The following CADPS2 variants were observed in gnomAD, a reference collection of about 807,000 sequenced individuals.
CADPS2 encodes the protein calcium-dependent secretion activator 2.
A neutral mutation model predicts 172.5 loss-of-function variants in CADPS2; 93 were observed. The observed-to-expected ratio is 0.54, with a 90% CI of 0.46 to 0.64. The LOEUF (loss-of-function observed/expected upper bound fraction) is 0.64, where lower values mean the gene tolerates loss of function less well. Among genes scored for constraint, CADPS2 ranks in the 30% least tolerant of loss-of-function variants. The pLI is 0.00. For missense variants in CADPS2, 1,420 were observed against 1,565.9 expected (o/e 0.91, Z 1.57); for synonymous variants, 546 against 555.2 (o/e 0.98, Z 0.23).
intron 1 of CADPS2, among the ~76,000 whole-genome samples, chr7:122,748,615 G>A (rs2092820200): frequency 6.6e-6 from 1 of 152,038 alleles, no homozygotes; most frequent in South Asian, 2.1e-4. Context: ...ACTTTCCTCA[G>A]AAATGTCTGA....
intron 27 of CADPS2, among the ~76,000 whole-genome samples, chr7:122,357,981 T>G (rs1422161812): frequency 6.6e-6 from 1 of 152,134 alleles, no homozygotes; most frequent in Non-Finnish European, 1.5e-5. Flanking sequence ...TCAAATCAGT[T>G]GGATAAGTGC....
chr7:122,411,882 T>C (rs1001490890), intron 19 of CADPS2, among the ~76,000 whole-genome samples: 6 of 152,204 alleles, frequency 3.9e-5, no homozygotes, highest in Non-Finnish European at 8.8e-5. Flanking sequence ...ACTTCCGTGA[T>C]TCACTGATAA....
chr7:122,481,726 T>A (rs1354684903), intron 11 of CADPS2, among the ~76,000 whole-genome samples: 2 of 151,992 alleles, frequency 1.3e-5, no homozygotes, highest in East Asian at 3.9e-4. Context: ...TATTATTTGT[T>A]ACAGGCAGGT....
chr7:122,848,509 T>A (rs1044299719), intron 1 of CADPS2, among the ~76,000 whole-genome samples: 21 of 152,026 alleles, frequency 1.4e-4, no homozygotes, highest in African/African-American at 5.1e-4. Context: ...ATATTCAAGA[T>A]CAGATGCTAT....
chr7:122,573,905 C>T (rs553601911), intron 7 of CADPS2, among the ~76,000 whole-genome samples: 23 of 152,166 alleles, frequency 1.5e-4, no homozygotes, highest in Non-Finnish European at 2.6e-4. Flanking sequence ...ATGGTTTTCA[C>T]TGTAAGAATA....
intron 3 of CADPS2, among the ~76,000 whole-genome samples, chr7:122,643,908 T>C (rs1010868349): frequency 2.0e-5 from 3 of 151,988 alleles, no homozygotes; most frequent in South Asian, 4.1e-4. Context: ...TTGGGCAACA[T>C]GGCAAAACCC....
intron 25 of CADPS2, among the ~76,000 whole-genome samples, chr7:122,364,132 C>T (rs2040541653): frequency 6.6e-6 from 1 of 152,078 alleles, no homozygotes; most frequent in Admixed American, 6.5e-5. Context: ...CTCAAGGGTT[C>T]AGGTGTGGTG....
chr7:122,732,696 A>T (rs919697445), intron 2 of CADPS2, among the ~76,000 whole-genome samples: 1 of 144,650 alleles, frequency 6.9e-6, no homozygotes, highest in African/African-American at 2.5e-5. Context: ...ATATATTTAC[A>T]TTATATATTA....
intron 8 of CADPS2, among the ~76,000 whole-genome samples, chr7:122,550,043 A>G (rs1264531070): frequency 6.6e-6 from 1 of 151,992 alleles, no homozygotes; most frequent in Non-Finnish European, 1.5e-5. Context: ...GAGGAAATAC[A>G]ATGTCTGAAT....
At chr7:122,611,963 TG>T (rs753036645) in intron 6 of CADPS2, among the ~76,000 whole-genome samples, 8 of 152,042 alleles carry the variant, frequency 5.3e-5, no homozygotes, top group Non-Finnish European at 7.4e-5. Flanking sequence ...AAAATCCACA[TG>T]ATCATCTCAA....
chr7:122,432,602 G>A (rs2050083021), intron 17 of CADPS2, among the ~76,000 whole-genome samples: 1 of 142,832 alleles, frequency 7.0e-6, no homozygotes, highest in Non-Finnish European at 1.5e-5. Flanking sequence ...GATTGTACCA[G>A]TGCACTCCAG....
intron 9 of CADPS2, among the ~76,000 whole-genome samples, chr7:122,493,350 A>T (rs1289020770): frequency 1.3e-5 from 2 of 152,140 alleles, no homozygotes; most frequent in Non-Finnish European, 2.9e-5. Context: ...TTTTAAAAGG[A>T]GAAAATATAT....
intron 7 of CADPS2, among the ~76,000 whole-genome samples, chr7:122,567,118 T>C (rs775340044): frequency 5.9e-5 from 9 of 152,112 alleles, no homozygotes; most frequent in Non-Finnish European, 1.2e-4. Flanking sequence ...AAAACAGAAA[T>C]AGCCAGAAAT....
At chr7:122,842,326 G>T (rs1810781828) in intron 1 of CADPS2, among the ~76,000 whole-genome samples, 1 of 152,128 alleles carries the variant, frequency 6.6e-6, no homozygotes, top group African/African-American at 2.4e-5. Flanking sequence ...AAAAGCAAAT[G>T]AAAAAAATCT....
At chr7:122,376,373 T>C (rs767934413) in intron 25 of CADPS2, among the ~76,000 whole-genome samples, 4 of 152,150 alleles carry the variant, frequency 2.6e-5, no homozygotes, top group Admixed American at 1.3e-4. Context: ...GTTATGTGCA[T>C]ATAATGAAAT....
chr7:122,601,265 T>G (rs1475673453), intron 6 of CADPS2, among the ~76,000 whole-genome samples: 1 of 152,074 alleles, frequency 6.6e-6, no homozygotes, highest in Non-Finnish European at 1.5e-5. Flanking sequence ...ATCCAAATGC[T>G]GCCATCTGCC....
chr7:122,843,910 A>G (rs916500094), intron 1 of CADPS2, among the ~76,000 whole-genome samples: 7 of 152,226 alleles, frequency 4.6e-5, no homozygotes, highest in African/African-American at 1.4e-4. Flanking sequence ...AGGCATTATG[A>G]GCAGAGAGGC....
chr7:122,493,629 C>T (rs1315825980), intron 9 of CADPS2, among the ~76,000 whole-genome samples: 4 of 151,868 alleles, frequency 2.6e-5, no homozygotes, highest in Non-Finnish European at 5.9e-5. Flanking sequence ...AATCTGGCAA[C>T]AGGTTCTATG....
chr7:122,708,484 ATATT>A (rs1360048181), intron 2 of CADPS2, among the ~76,000 whole-genome samples: 1,680 of 108,078 alleles, frequency 0.016, 19 homozygotes, highest in African/African-American at 0.02. Flanking sequence ...ATATATATAT[ATATT>A]GGATATGTAG....
Sources: allele counts gnomAD v4.1 joint callset (sites outside exome capture counted in the v4.1 genomes callset), GRCh38; gene constraint gnomAD v4.1.1; transcripts MANE v1.5; gene names NCBI Gene and HGNC (gene_info 2026-07-23, HGNC 2026-07-21).